MICAL3: variants seen among roughly 807,000 people sequenced by gnomAD.
MICAL3 encodes the protein [F-actin]-monooxygenase MICAL3.
In MICAL3, 62 loss-of-function variants were observed where a neutral mutation model predicts 207.4. The observed-to-expected ratio is 0.30, with a 90% CI of 0.24 to 0.37. The LOEUF is 0.37. MICAL3 is among the 10% of genes least tolerant of loss of function. MICAL3 has a pLI of 1.00. For missense variants in MICAL3, 2,368 were observed against 2,635.6 expected (o/e 0.90, Z 2.22); for synonymous variants, 1,077 against 1,069.3 (o/e 1.01, Z -0.14).
intron 1 of MICAL3, among the ~76,000 whole-genome samples, chr22:18,000,464 A>G (rs9605487): frequency 0.47 from 71,739 of 152,162 alleles, 17,627 homozygotes; most frequent in Middle Eastern, 0.68. Flanking sequence ...TGCGGCACAG[A>G]GGCCTTGCCT....
At chr22:17,862,806 G>A (rs1926663139) in intron 19 of MICAL3, 3 of 985,392 alleles carry the variant, frequency 3.0e-6, no homozygotes, top group African/African-American at 1.7e-5. Flanking sequence ...TGAGCTGCCG[G>A]AGGGTAAGCC....
intron 21 of MICAL3, among the ~76,000 whole-genome samples, chr22:17,828,220 A>G (rs953566493): frequency 1.3e-5 from 2 of 152,214 alleles, no homozygotes; most frequent in Non-Finnish European, 2.9e-5. Context: ...AGGATGCACT[A>G]TCCTGCCCCT....
chr22:17,863,032 G>C, intron 19 of MICAL3: 1 of 985,298 alleles, frequency 1.0e-6, no homozygotes, highest in Non-Finnish European at 1.2e-6. Flanking sequence ...TAACCACACT[G>C]CCAACCCTCA....
intron 29 of MICAL3, among the ~76,000 whole-genome samples, chr22:17,797,441 C>G (rs1344238040): frequency 6.6e-6 from 1 of 152,162 alleles, no homozygotes; most frequent in Non-Finnish European, 1.5e-5. Context: ...CTGCAGAGAG[C>G]CGTGACTGCA....
In MICAL3 at chr22:17,902,802, T is replaced by C. The variant is rs907294690; in HGVS notation, c.473-55A>G. The C allele has an allele frequency of 2.7e-4, 311 of 1,131,528 alleles. 2 individuals are homozygous for C. Among genetic ancestry groups the C allele is most frequent in the Non-Finnish European group, 1.0e-4 (80 of 770,426 alleles). The allele number at this position is 1,131,528 out of a possible 1,614,324, so 70.1% of individuals were successfully genotyped here. On this transcript the variant is annotated intron_variant, in intron 3 of 31. Coordinates refer to ENST00000441493, the MANE Select transcript of MICAL3 (RefSeq NM_015241.3). This position sits in a 1 kb window ranked among gnomAD's most constrained non-coding sequence, Gnocchi z 4.5. ...GAACACATGGAGAAGGGGGTACCCA[T>C]CCGTGTCGCAGCTCAGGCTCCCACC...
At chr22:17,884,597 C>A (rs1454485670) in intron 16 of MICAL3, among the ~76,000 whole-genome samples, 1 of 152,198 alleles carries the variant, frequency 6.6e-6, no homozygotes, top group Non-Finnish European at 1.5e-5. Context: ...AGCTGTAATA[C>A]GCATCATCTC....
intron 1 of MICAL3, among the ~76,000 whole-genome samples, chr22:18,018,159 C>A (rs901285901): frequency 3.3e-5 from 5 of 152,150 alleles, no homozygotes; most frequent in Non-Finnish European, 5.9e-5. Context: ...CAAGCGTGAG[C>A]CACTGCGCCC....
At chr22:17,865,336 G>A (rs535853158) in intron 18 of MICAL3, among the ~76,000 whole-genome samples, 9 of 152,158 alleles carry the variant, frequency 5.9e-5, no homozygotes, top group Non-Finnish European at 7.3e-5. Context: ...ACAGGCAGGC[G>A]TGCTGACAAG....
intron 22 of MICAL3, among the ~76,000 whole-genome samples, chr22:17,827,037 A>G (rs5992865): frequency 0.29 from 44,324 of 152,152 alleles, 6,868 homozygotes; most frequent in Non-Finnish European, 0.34. Context: ...GCATGCCAGG[A>G]AAGATGGCAC....
At chr22:17,858,327 ACCACC>A (rs1422498551) in intron 19 of MICAL3, 1 of 292,656 alleles carries the variant, frequency 3.4e-6, no homozygotes, top group African/African-American at 2.3e-5. Flanking sequence ...AATGGGCCTC[ACCACC>A]CCTTGTTTCA....
chr22:17,866,109 C>T (rs1175850980), intron 17 of MICAL3, 97 bp from the exon 18 acceptor site: 22 of 900,584 alleles, frequency 2.4e-5, no homozygotes, highest in Non-Finnish European at 3.6e-5. Flanking sequence ...TCTCCTCCAG[C>T]CTCACAAGGC....
chr22:17,891,717 C>T, intron 11 of MICAL3, 85 bp from the exon 12 acceptor site: 2 of 1,367,484 alleles, frequency 1.5e-6, no homozygotes, highest in Non-Finnish European at 2.0e-6. Context: ...CACATGTCCC[C>T]TTTGAAAAAT....
In MICAL3 at chr22:17,817,985, G is replaced by T; in HGVS notation, c.4676C>A (p.Pro1559Gln). 6.2e-7 allele frequency: 1 copy of T among 1,612,344 alleles called. No individual in the cohort carries two copies. Among genetic ancestry groups the T allele is most frequent in the South Asian group, 1.1e-5 (1 of 91,076 alleles). Residue 1559 changes from proline to glutamine, a missense_variant, in exon 26 of 32, where the codon CCG (proline) becomes CAG (glutamine). Physicochemically the swap from Pro to Gln is moderately conservative, Grantham distance 76 (BLOSUM62 -1). Transcript: ENST00000441493. ...CCTCCCGTTCTCCTTGGCCAGGGGC[G>T]GGTGGCGAGGCTTCTCGGGGCGCGG... ...CWPRPEKPRHPPLAKENGRLP... is the reference protein window; with the variant it reads ...CWPRPEKPRHQPLAKENGRLP...
At chr22:17,917,488 C>T (rs1932604160) in intron 1 of MICAL3, among the ~76,000 whole-genome samples, 1 of 152,012 alleles carries the variant, frequency 6.6e-6, no homozygotes, top group South Asian at 2.1e-4. Flanking sequence ...TCTTCTCTAT[C>T]ATCCTCATTG....
chr22:17,868,945 G>A (rs184203046), intron 17 of MICAL3, among the ~76,000 whole-genome samples: 1 of 152,246 alleles, frequency 6.6e-6, no homozygotes, highest in African/African-American at 2.4e-5. Context: ...CCACACAGGC[G>A]CACCGGTGCC....
At position 18,002,461 on chromosome 22, in the gene MICAL3, C is replaced by T. The variant is rs369547866; in HGVS notation, c.-75+21820G>A. On this transcript the variant is annotated intron_variant, in intron 1 of 31. Transcript: ENST00000441493. The stretch of plus-strand genomic sequence containing the variant: ...CGGCCTTACCAACATGGTGAAACCC[C>T]GTCTCTACTAAAAATACAAAAAATA... 1.3e-4 allele frequency among the ~76,000 whole-genome samples: 20 copies of T among 151,932 alleles called. No individual in the cohort carries two copies. The South Asian group carries it at 3.5e-3, about 27-fold the overall frequency.
chr22:17,971,268 G>C (rs1323141137), intron 1 of MICAL3, among the ~76,000 whole-genome samples: 1 of 152,154 alleles, frequency 6.6e-6, no homozygotes, highest in African/African-American at 2.4e-5. Context: ...AGGAGTTTGA[G>C]ACCAGCCTGG....
In MICAL3 at chr22:17,819,000, A is replaced by G; in HGVS notation, c.3661T>C (p.Ser1221Pro). The change falls in exon 26 of 32, where the codon TCT (serine) becomes CCT (proline). Residue 1221 changes from serine (S) to proline (P), a missense_variant. By Grantham distance (74) the Ser-to-Pro change is moderately conservative. Transcript: ENST00000441493. ...DAPSDLKAVH[S>P]PIRSQPVTLP... ...GTCACTGGCTGTGATCGGATGGGAG[A>G]GTGCACAGCTTTCAGATCCGAGGGG... The G allele has an allele frequency of 3.1e-6, 5 of 1,608,796 alleles. No homozygotes were observed. The highest frequency in any genetic ancestry group is 3.4e-6 in the Non-Finnish European group (4 of 1,177,724).
intron 1 of MICAL3, among the ~76,000 whole-genome samples, chr22:17,974,901 T>C (rs1209270075): frequency 1.3e-5 from 2 of 152,114 alleles, no homozygotes; most frequent in Non-Finnish European, 2.9e-5. Context: ...GTAGATTCTG[T>C]GGATGAAGAA....
Sources: allele counts gnomAD v4.1 joint callset (sites outside exome capture counted in the v4.1 genomes callset), GRCh38; gene constraint gnomAD v4.1.1; non-coding constraint Gnocchi (gnomAD v3.1); transcripts MANE v1.5; gene names NCBI Gene and HGNC (gene_info 2026-07-23, HGNC 2026-07-21).